The following LARGE1 variants were observed in gnomAD, a reference collection of about 807,000 sequenced individuals.
The protein encoded by LARGE1 is xylosyl- and glucuronyltransferase LARGE1.
A neutral mutation model predicts 87.6 loss-of-function variants in LARGE1; 43 were observed. That is an observed-to-expected ratio of 0.49 (90% confidence interval 0.38 to 0.63). The LOEUF (loss-of-function observed/expected upper bound fraction) is 0.63, where lower values mean the gene tolerates loss of function less well. Among genes scored for constraint, LARGE1 ranks in the 30% least tolerant of loss-of-function variants. The pLI, the probability that LARGE1 is intolerant of heterozygous loss-of-function variation, is 0.00. For missense variants in LARGE1, 802 were observed against 1,000.2 expected, an observed-to-expected ratio of 0.80 and a Z score of 2.67; for synonymous variants, 434 against 394.6, an observed-to-expected ratio of 1.10 and a Z score of -1.18.
chr22:33,274,760 C>T (rs1195668236), intron 14 of LARGE1, 136 bp from the exon 15 acceptor site: 1 of 791,638 alleles, frequency 1.3e-6, no homozygotes, highest in East Asian at 2.6e-5. Flanking sequence ...CAAAGGACAG[C>T]ACAACAGCTT....
intron 3 of LARGE1, among the ~76,000 whole-genome samples, chr22:33,643,683 A>G (rs2080514535): frequency 1.3e-5 from 2 of 152,172 alleles, no homozygotes; most frequent in Admixed American, 1.3e-4. Flanking sequence ...AATAAAGAAG[A>G]AAAAGGAGAA....
At chr22:33,256,964 G>C (rs980045622) in intron 11 of LARGE1, among the ~76,000 whole-genome samples, 1 of 152,290 alleles carries the variant, frequency 6.6e-6, no homozygotes, top group East Asian at 1.9e-4. Flanking sequence ...CCAGCACTTC[G>C]GGAGGCCAAG....
the LARGE1 span, among the ~76,000 whole-genome samples, chr22:33,133,913 C>T: frequency 2.0e-5 from 3 of 152,090 alleles, no homozygotes; most frequent in Admixed American, 6.5e-5. Flanking sequence ...TCACTTTAAG[C>T]CTTCAATATA....
At chr22:33,833,189 T>C (rs375468049) in intron 1 of LARGE1, among the ~76,000 whole-genome samples, 1 of 152,214 alleles carries the variant, frequency 6.6e-6, no homozygotes, top group African/African-American at 2.4e-5. Context: ...TTGAAACTAA[T>C]GTAATACTGA....
intron 2 of LARGE1, among the ~76,000 whole-genome samples, chr22:33,734,302 T>C (rs936165776): frequency 1.3e-5 from 2 of 152,206 alleles, no homozygotes; most frequent in African/African-American, 4.8e-5. Flanking sequence ...GACACAATTC[T>C]AGCCATATCA....
intron 11 of LARGE1, among the ~76,000 whole-genome samples, chr22:33,190,056 T>C (rs1021802088): frequency 6.6e-6 from 1 of 152,214 alleles, no homozygotes; most frequent in African/African-American, 2.4e-5. Flanking sequence ...TATTTAAAAC[T>C]GACTTGAATT....
chr22:33,568,241 AAAACATC>A (rs1341415440), intron 5 of LARGE1, among the ~76,000 whole-genome samples: 1 of 152,176 alleles, frequency 6.6e-6, no homozygotes, highest in Non-Finnish European at 1.5e-5. Context: ...AGAACAGGAA[AAAACATC>A]TCAACCTCAC....
intron 1 of LARGE1, among the ~76,000 whole-genome samples, chr22:33,882,689 T>C (rs899087234): frequency 6.6e-6 from 1 of 152,202 alleles, no homozygotes; most frequent in African/African-American, 2.4e-5. Context: ...TGCACTGAAT[T>C]ACCTCACTTC....
At chr22:33,308,297 C>G (rs933926654) in intron 11 of LARGE1, among the ~76,000 whole-genome samples, 3 of 152,106 alleles carry the variant, frequency 2.0e-5, no homozygotes, top group African/African-American at 7.2e-5. Flanking sequence ...CCCACCAAGG[C>G]GGACCATTCT....
intron 7 of LARGE1, among the ~76,000 whole-genome samples, chr22:33,414,807 A>G (rs1006039995): frequency 1.7e-4 from 26 of 152,142 alleles, no homozygotes; most frequent in Non-Finnish European, 3.4e-4. Context: ...GTGCCCTTAT[A>G]AAAGAGACCC....
chr22:33,557,618 T>A (rs1460652484), intron 6 of LARGE1, among the ~76,000 whole-genome samples: 2 of 152,194 alleles, frequency 1.3e-5, no homozygotes, highest in Non-Finnish European at 2.9e-5. Context: ...CAGGCTGGAG[T>A]GCAGTGGTGC....
chr22:33,506,538 C>T (rs889403089), intron 6 of LARGE1, among the ~76,000 whole-genome samples: 11 of 152,168 alleles, frequency 7.2e-5, no homozygotes, highest in South Asian at 2.1e-4. Context: ...CTCTTTCTTA[C>T]GTCAAAAGTG....
chr22:33,649,063 T>A (rs537061555), intron 3 of LARGE1, among the ~76,000 whole-genome samples: 1 of 152,342 alleles, frequency 6.6e-6, no homozygotes, highest in Non-Finnish European at 1.5e-5. Context: ...TGGATGTTTG[T>A]TTCACATCGT....
At chr22:33,669,082 G>A (rs1489491409) in intron 2 of LARGE1, among the ~76,000 whole-genome samples, 1 of 152,216 alleles carries the variant, frequency 6.6e-6, no homozygotes. Context: ...TGGAGAAAAG[G>A]CTCCCCTTGC....
intron 6 of LARGE1, among the ~76,000 whole-genome samples, chr22:33,543,277 A>G (rs1247427594): frequency 6.6e-6 from 1 of 152,156 alleles, no homozygotes; most frequent in Non-Finnish European, 1.5e-5. Flanking sequence ...GCGGTGGCCA[A>G]TTTCTCAGTG....
intron 1 of LARGE1, among the ~76,000 whole-genome samples, chr22:33,827,503 G>A (rs919776150): frequency 2.0e-5 from 3 of 152,132 alleles, no homozygotes; most frequent in Non-Finnish European, 4.4e-5. Context: ...GGGATATAAT[G>A]TACATTTAAA....
intron 5 of LARGE1, among the ~76,000 whole-genome samples, chr22:33,603,409 A>G (rs1376611017): frequency 6.6e-6 from 1 of 152,188 alleles, no homozygotes; most frequent in East Asian, 1.9e-4. Context: ...GTGGGTACCT[A>G]CTATGCACCA....
At position 33,384,213 on chromosome 22, in the gene LARGE1, G is replaced by A. The variant is rs577299762; in HGVS notation, c.984C>T (p.Leu328=). Residue 328 remains leucine (L), a synonymous_variant, in exon 8 of 15, where the codon CTC becomes CTT. Coordinates refer to ENST00000397394, the MANE Select transcript of LARGE1 (RefSeq NM_133642.5). ...TCACCTGGTCAGCTAAGGATGTAGA[G>A]AGCATGCCCATGAGCTCCCTCTCTG... ...LTAERELMGM[L]STSLADQDIF... 2 of 1,613,958 alleles carry A rather than the reference G, an allele frequency of 1.2e-6. No homozygotes were observed. The highest frequency in any genetic ancestry group is 1.7e-6 in the Non-Finnish European group (2 of 1,179,832).
At chr22:33,323,694 G>A (rs1037845858) in intron 10 of LARGE1, among the ~76,000 whole-genome samples, 1 of 152,212 alleles carries the variant, frequency 6.6e-6, no homozygotes, top group Admixed American at 6.5e-5. Flanking sequence ...AAGATTTTCT[G>A]AGTGGTGGAT....
Sources: allele counts gnomAD v4.1 joint callset (sites outside exome capture counted in the v4.1 genomes callset), GRCh38; gene constraint gnomAD v4.1.1; transcripts MANE v1.5; gene names NCBI Gene and HGNC (gene_info 2026-07-23, HGNC 2026-07-21).